ATL3: variants seen among roughly 807,000 people sequenced by gnomAD.
The protein encoded by ATL3 is atlastin GTPase 3, also known as atlastin-3.
In ATL3, 49 loss-of-function variants were observed where a neutral mutation model predicts 69.5. The observed-to-expected ratio is 0.71, with a 90% CI of 0.56 to 0.89. The LOEUF (loss-of-function observed/expected upper bound fraction) is 0.89, where lower values mean the gene tolerates loss of function less well. ATL3 is among the 40% of genes least tolerant of loss of function. ATL3 has a pLI of 0.00. For synonymous variants in ATL3, 214 were observed against 224.1 expected (o/e 0.95, Z 0.40); for missense variants, 606 against 645.7 (o/e 0.94, Z 0.67).
At position 63,624,238 on chromosome 11, in the gene ATL3, G is replaced by C. The variant is rs1360063378; in HGVS notation, c.*5081C>G. On this transcript the variant is annotated 3_prime_UTR_variant, in exon 13 of 13. Coordinates refer to ENST00000398868, the MANE Select transcript of ATL3 (RefSeq NM_015459.5). ...GCCACTCAAAGGCAAGGGTCTAGCA[G>C]ACAGTACTTTTAACAAATCATTTTT... 6.6e-6 allele frequency: 1 copy of C among 152,152 alleles called. No homozygotes were observed. Among genetic ancestry groups the C allele is most frequent in the African/African-American group, 2.4e-5 (1 of 41,434 alleles). 9.4% of individuals were successfully genotyped at this position (152,152 alleles called of 1,614,324 possible).
intron 5 of ATL3, among the ~76,000 whole-genome samples, chr11:63,648,619 G>T (rs928269045): frequency 6.6e-6 from 1 of 152,140 alleles, no homozygotes; most frequent in African/African-American, 2.4e-5. Flanking sequence ...GACCAGCCTG[G>T]CCAACATGGC....
At chr11:63,671,620 G>T (rs994013551), upstream of ATL3, 1 of 1,419,586 alleles carries the variant, frequency 7.0e-7, no homozygotes, top group Non-Finnish European at 9.2e-7. Flanking sequence ...TGTGCGCGAA[G>T]CGAGCCGCCG....
intron 10 of ATL3, 56 bp from the exon 11 acceptor site, chr11:63,633,153 C>T: frequency 7.1e-7 from 1 of 1,403,584 alleles, no homozygotes; most frequent in East Asian, 2.3e-5. Context: ...CATTCCTCCA[C>T]AAATAACCTA....
At chr11:63,656,521 G>A (rs1210800687) in intron 3 of ATL3, among the ~76,000 whole-genome samples, 1 of 151,672 alleles carries the variant, frequency 6.6e-6, no homozygotes, top group African/African-American at 2.4e-5. Flanking sequence ...ATAACCTGAG[G>A]TCAGGAGTGC....
At chr11:63,657,208 C>CAAAAAAAAAAAAAAAAAAAAAAAAAAAAA (rs1254213240) in intron 3 of ATL3, among the ~76,000 whole-genome samples, 3 of 59,916 alleles carry the variant, frequency 5.0e-5, no homozygotes, top group African/African-American at 1.9e-4. Context: ...GACTACATCT[C>CAAAAAAAAAAAAAAAAAAAAAAAAAAAAA]AAAAAAAAAA....
chr11:63,650,457 CTTAA>C (rs1440058318), intron 5 of ATL3: 8 of 152,036 alleles, frequency 5.3e-5, no homozygotes, highest in African/African-American at 1.9e-4. Flanking sequence ...TAATGGAGAC[CTTAA>C]TTATTTTTTA....
At chr11:63,671,677 T>C, upstream of ATL3, 1 of 1,344,882 alleles carries the variant, frequency 7.4e-7, no homozygotes, top group Non-Finnish European at 9.7e-7. Flanking sequence ...TTGGGAATTG[T>C]AGTCCCGCGC....
At position 63,631,301 on chromosome 11, in the gene ATL3, C is replaced by G; in HGVS notation, c.1278G>C (p.Glu426Asp). The change falls in exon 12 of 13, where the codon GAG (glutamate) becomes GAC (aspartate). Residue 426 changes from glutamate to aspartate, a missense_variant. Coordinates refer to ENST00000398868, the MANE Select transcript of ATL3 (RefSeq NM_015459.5). The stretch of plus-strand genomic sequence containing the variant: ...TGCTACCATTGTGCTTGCAGAAGTT[C>G]TCATATAATTCCTTGATTTCCTCCT... ...ELEEEIKELY[E>D]NFCKHNGSKN... 2 of 1,614,180 alleles carry G rather than the reference C, an allele frequency of 1.2e-6. No homozygotes were observed. Among genetic ancestry groups the G allele is most frequent in the Non-Finnish European group, 1.7e-6 (2 of 1,180,044 alleles).
At chr11:63,671,636 C>T (rs915817046), upstream of ATL3, 2 of 1,415,592 alleles carry the variant, frequency 1.4e-6, no homozygotes, top group Non-Finnish European at 1.9e-6. Flanking sequence ...CGCCGGGTAC[C>T]TGTTGGCGGG....
chr11:63,652,449 T>G, intron 4 of ATL3, 22 bp downstream of exon 4: 7 of 1,450,184 alleles, frequency 4.8e-6, no homozygotes, highest in Non-Finnish European at 6.5e-6. Context: ...GCGAGCTTTT[T>G]TCTGAGTCAA....
chr11:63,650,196 C>T (rs1940027345), intron 5 of ATL3, among the ~76,000 whole-genome samples: 4 of 152,122 alleles, frequency 2.6e-5, no homozygotes, highest in Admixed American at 2.6e-4. Context: ...TAACACACCG[C>T]AGTATCTAGT....
intron 8 of ATL3, among the ~76,000 whole-genome samples, chr11:63,636,790 T>C (rs905509111): frequency 2.0e-5 from 3 of 152,094 alleles, no homozygotes; most frequent in Non-Finnish European, 4.4e-5. Flanking sequence ...AGACTATGTT[T>C]TGACACTTTC....
chr11:63,660,996 T>C (rs1940402070), intron 1 of ATL3, among the ~76,000 whole-genome samples: 1 of 151,510 alleles, frequency 6.6e-6, no homozygotes, highest in Non-Finnish European at 1.5e-5. Context: ...AGCTGATCAC[T>C]TGAGGTCAGG....
intron 3 of ATL3, among the ~76,000 whole-genome samples, chr11:63,656,084 C>G (rs759792849): frequency 1.3e-5 from 2 of 151,840 alleles, no homozygotes; most frequent in African/African-American, 4.8e-5. Flanking sequence ...CTTAGCCGGG[C>G]GTGGTGGTAG....
chr11:63,627,069 TCA>T lies in ATL3; in HGVS notation c.*2248_*2249del, dbSNP rs1351849706. On this transcript the variant is annotated 3_prime_UTR_variant, in exon 13 of 13. Coordinates refer to ENST00000398868, the MANE Select transcript of ATL3 (RefSeq NM_015459.5). ...TAAGATTTCATTAAATCATACATTA[TCA>T]CTTTTTTTAAAGTGACCTAATACTT... 2 of 152,194 alleles carry T rather than the reference TCA, an allele frequency of 1.3e-5. No individual in the cohort carries two copies. Among genetic ancestry groups the T allele is most frequent in the African/African-American group, 4.8e-5 (2 of 41,460 alleles). 9.4% of individuals were successfully genotyped at this position (152,194 alleles called of 1,614,324 possible).
rs1409577238 is a variant in ATL3, at chr11:63,659,079, A to G, written c.220T>C (p.Ser74Pro). 1.2e-6 allele frequency: 2 copies of G among 1,614,154 alleles called. No individual in the cohort carries two copies. Among genetic ancestry groups the G allele is most frequent in the South Asian group, 1.1e-5 (1 of 91,086 alleles). The change falls in exon 2 of 13, where the codon TCC (serine) becomes CCC (proline). Residue 74 changes from serine (S) to proline (P), a missense_variant. Ser to Pro is a moderately conservative substitution (Grantham distance 74, BLOSUM62 -1). Transcript: ENST00000398868. ...CGTAGCATAAAATCCAGAATGAAGG[A>G]CTTGCCCTTTCGGAAGGCACCAGCC... Reference protein sequence around the residue: ...SVAGAFRKGKSFILDFMLRYL... With the variant: ...SVAGAFRKGKPFILDFMLRYL...
intron 1 of ATL3, among the ~76,000 whole-genome samples, chr11:63,659,712 A>G (rs893548305): frequency 2.0e-5 from 3 of 152,150 alleles, no homozygotes; most frequent in African/African-American, 7.2e-5. Context: ...AGGTGGGTGG[A>G]TCACTTGAGG....
In ATL3 at chr11:63,652,500, C is replaced by T. The variant is rs1311551975; in HGVS notation, c.481G>A (p.Ala161Thr). The change falls in exon 4 of 13, where the codon GCT becomes ACT. Residue 161 changes from alanine to threonine, a missense_variant. Ala to Thr is a moderately conservative substitution (Grantham distance 58, BLOSUM62 0). Coordinates refer to ENST00000398868, the MANE Select transcript of ATL3 (RefSeq NM_015459.5). Reference protein sequence around the residue: ...STVKDCATIFALSTMTSSVQI... With the variant: ...STVKDCATIFTLSTMTSSVQI... ...ACAGAACTAGTCATAGTGCTTAGAG[C>T]AAAGATGGTAGCACAGTCTTTCACA... 1.2e-6 allele frequency: 2 copies of T among 1,608,912 alleles called. No individual in the cohort carries two copies. The highest frequency in any genetic ancestry group is 1.7e-6 in the Non-Finnish European group (2 of 1,176,776).
chr11:63,658,477 G>T (rs1220761650), intron 3 of ATL3, among the ~76,000 whole-genome samples: 1 of 152,112 alleles, frequency 6.6e-6, no homozygotes, highest in Non-Finnish European at 1.5e-5. Flanking sequence ...ATAGCTTTTA[G>T]CAAAAATGTT....
Sources: gnomAD v4.1 joint callset for allele counts (sites outside exome capture counted in the v4.1 genomes callset) on GRCh38, gnomAD v4.1.1 for gene constraint, MANE v1.5 for transcripts, NCBI Gene and HGNC (gene_info 2026-07-23, HGNC 2026-07-21) for gene names.